SLC9A9: variants seen among roughly 807,000 people sequenced by gnomAD.
SLC9A9 encodes sodium/hydrogen exchanger 9.
SLC9A9 carries 62 observed loss-of-function variants against 77.8 expected under a neutral mutation model. The observed-to-expected ratio is 0.80, with a 90% CI of 0.65 to 0.98. The LOEUF (loss-of-function observed/expected upper bound fraction) is 0.98. Among genes scored for constraint, SLC9A9 ranks in the 50% least tolerant of loss-of-function variants. The probability of loss-of-function intolerance (pLI) is 0.00; values close to 1 mark genes in which losing one functional copy is unlikely to be tolerated. For missense variants in SLC9A9, 775 were observed against 774.9 expected (o/e 1.00, Z 0.00); for synonymous variants, 320 against 283.5 (o/e 1.13, Z -1.29).
At chr3:143,455,119 T>A (rs1576509564) in intron 12 of SLC9A9, among the ~76,000 whole-genome samples, 1 of 152,234 alleles carries the variant, frequency 6.6e-6, no homozygotes, top group South Asian at 2.1e-4. Flanking sequence ...GGAGTCATCT[T>A]AGAATTCTAC....
chr3:143,788,227 G>A (rs2008113604), intron 4 of SLC9A9, among the ~76,000 whole-genome samples: 1 of 151,984 alleles, frequency 6.6e-6, no homozygotes, highest in South Asian at 2.1e-4. Flanking sequence ...ATGAGTTCCA[G>A]GAAATGAATT....
rs189751470 is a variant in SLC9A9 at position 143,449,759 on chromosome 3, G to A, written c.1469+17278C>T. Among the ~76,000 whole-genome samples the A allele has an allele frequency of 1.9e-3, 18 of 9,476 alleles. 5 individuals are homozygous for A. Among genetic ancestry groups the A allele is most frequent in the Non-Finnish European group, 5.9e-4 (4 of 6,746 alleles). The allele number at this position is 9,476 out of a possible 152,430, so 6.2% of individuals were successfully genotyped here. A position where few individuals can be genotyped will look rare whatever the true frequency, so the allele number is the denominator to read the frequency against. On this transcript the variant is annotated intron_variant, in intron 12 of 15. Transcript: ENST00000316549. The stretch of plus-strand genomic sequence containing the variant: ...ATTATATAAAATAAAAATTATACAA[G>A]TATATATAATTATATATATTTATAT...
intron 4 of SLC9A9, among the ~76,000 whole-genome samples, chr3:143,715,221 T>C (rs569963195): frequency 1.3e-5 from 2 of 152,338 alleles, no homozygotes; most frequent in South Asian, 4.1e-4. Context: ...TCCCTCTCTT[T>C]AGGGTCTGTA....
chr3:143,798,854 AC>A (rs2008465875), intron 2 of SLC9A9, among the ~76,000 whole-genome samples: 1 of 151,786 alleles, frequency 6.6e-6, no homozygotes, highest in Admixed American at 6.6e-5. Context: ...CTCAGTTCCA[AC>A]CCCAAGTGTT....
chr3:143,606,430 CTCTCTCTATATATATA>C (rs1553770947), intron 6 of SLC9A9, among the ~76,000 whole-genome samples: 6 of 63,360 alleles, frequency 9.5e-5, no homozygotes, highest in African/African-American at 2.4e-4. Context: ...CTCTCTCTCT[CTCTCTCTATATATATA>C]TATATATATA....
At chr3:143,319,362 T>C (rs964408041) in intron 14 of SLC9A9, among the ~76,000 whole-genome samples, 1 of 152,236 alleles carries the variant, frequency 6.6e-6, no homozygotes, top group Admixed American at 6.5e-5. Context: ...GTTTTCTATC[T>C]GCAAACAGTA....
At chr3:143,395,820 T>C (rs2033714776) in intron 12 of SLC9A9, among the ~76,000 whole-genome samples, 1 of 152,164 alleles carries the variant, frequency 6.6e-6, no homozygotes, top group African/African-American at 2.4e-5. Context: ...AAAGAACACA[T>C]TTATGCAGCC....
chr3:143,338,022 G>T (rs919979115), intron 14 of SLC9A9, among the ~76,000 whole-genome samples: 7 of 152,272 alleles, frequency 4.6e-5, no homozygotes, highest in African/African-American at 1.7e-4. Context: ...GTGTATAAGA[G>T]ATGAACATGC....
chr3:143,421,390 C>T (rs112703765), intron 12 of SLC9A9, among the ~76,000 whole-genome samples: 27 of 152,200 alleles, frequency 1.8e-4, no homozygotes, highest in Non-Finnish European at 2.9e-4. Context: ...AGCAAAACAG[C>T]GTTGTACTGG....
chr3:143,831,694 T>C (rs990081783), intron 2 of SLC9A9, among the ~76,000 whole-genome samples: 2 of 152,230 alleles, frequency 1.3e-5, no homozygotes, highest in East Asian at 1.9e-4. Context: ...AAAGCACATG[T>C]GTGAAAACTT....
chr3:143,359,661 C>G (rs1177480017), intron 14 of SLC9A9, among the ~76,000 whole-genome samples: 2 of 152,086 alleles, frequency 1.3e-5, no homozygotes, highest in African/African-American at 4.8e-5. Flanking sequence ...CTTCTTATGG[C>G]TGAAGAGTAT....
chr3:143,564,381 C>G (rs776778100), intron 8 of SLC9A9, among the ~76,000 whole-genome samples: 2 of 152,020 alleles, frequency 1.3e-5, no homozygotes, highest in Admixed American at 1.3e-4. Flanking sequence ...CATTTTTGGA[C>G]AGGAATATTG....
intron 5 of SLC9A9, among the ~76,000 whole-genome samples, chr3:143,683,882 T>C (rs544945887): frequency 1.3e-5 from 2 of 152,172 alleles, no homozygotes; most frequent in Non-Finnish European, 2.9e-5. Flanking sequence ...TCATGGAAAT[T>C]CATTATTATC....
chr3:143,624,564 AG>A lies in SLC9A9; in HGVS notation c.755+27690del, dbSNP rs543183463. Among the ~76,000 whole-genome samples, 593 of 152,360 alleles carry A rather than the reference AG, an allele frequency of 3.9e-3. 6 individuals are homozygous for A. Among genetic ancestry groups the A allele is most frequent in the Non-Finnish European group, 6.7e-3 (453 of 68,024 alleles). ...GAAAAGGCCTTTGACAAAATTCAAC[AG>A]CCCCTCATGCTAAAAACTCTCAATA... On this transcript the variant is annotated intron_variant, in intron 6 of 15. Coordinates refer to ENST00000316549, the MANE Select transcript of SLC9A9 (RefSeq NM_173653.4).
At position 143,578,380 on chromosome 3, in the gene SLC9A9, A is replaced by T. The variant is rs190093598; in HGVS notation, c.894+205T>A. On this transcript the variant is annotated intron_variant, in intron 7 of 15. Transcript: ENST00000316549. Reference sequence around the variant, plus strand: ...GCATTAGAACTGACCTTGGGCAAGAAGAGAGCTTGGGCCCCTCTGCCACTG... The same window carrying T: ...GCATTAGAACTGACCTTGGGCAAGATGAGAGCTTGGGCCCCTCTGCCACTG... Among the ~76,000 whole-genome samples the T allele has an allele frequency of 2.0e-5, 3 of 152,314 alleles. No homozygotes were observed. The East Asian group carries it at 5.8e-4, about 29-fold the overall frequency.
intron 12 of SLC9A9, among the ~76,000 whole-genome samples, chr3:143,448,397 A>T (rs530609510): frequency 6.0e-4 from 92 of 152,266 alleles, no homozygotes; most frequent in African/African-American, 2.2e-3. Context: ...GAAAATTAAC[A>T]CAAAGCTTAT....
At chr3:143,571,636 A>AT (rs1014631764) in intron 8 of SLC9A9, among the ~76,000 whole-genome samples, 1 of 151,824 alleles carries the variant, frequency 6.6e-6, no homozygotes, top group African/African-American at 2.4e-5. Flanking sequence ...ACTTAAAAAA[A>AT]AATAATGCTG....
At chr3:143,797,302 T>C (rs2008412960) in intron 2 of SLC9A9, among the ~76,000 whole-genome samples, 1 of 152,146 alleles carries the variant, frequency 6.6e-6, no homozygotes, top group South Asian at 2.1e-4. Context: ...TTCCAAAATT[T>C]AAAACATTTT....
intron 6 of SLC9A9, among the ~76,000 whole-genome samples, chr3:143,588,953 T>G (rs1265367819): frequency 6.6e-6 from 1 of 152,174 alleles, no homozygotes; most frequent in African/African-American, 2.4e-5. Flanking sequence ...TGCTGTCATA[T>G]GCGAAATTTT....
Sources: gnomAD v4.1 joint callset for allele counts (sites outside exome capture counted in the v4.1 genomes callset) on GRCh38, gnomAD v4.1.1 for gene constraint, MANE v1.5 for transcripts, NCBI Gene and HGNC (gene_info 2026-07-23, HGNC 2026-07-21) for gene names.